TMTC2: variants seen among roughly 807,000 people sequenced by gnomAD.
The protein encoded by TMTC2 is protein O-mannosyl-transferase TMTC2.
A neutral mutation model predicts 82.4 loss-of-function variants in TMTC2; 43 were observed. That is an observed-to-expected ratio of 0.52 (90% CI 0.41 to 0.67). The LOEUF (loss-of-function observed/expected upper bound fraction) is 0.67, where lower values mean the gene tolerates loss of function less well. Among genes scored for constraint, TMTC2 ranks in the 30% least tolerant of loss-of-function variants. The pLI is 0.00. For synonymous variants in TMTC2, 408 were observed against 381.9 expected (o/e 1.07, Z -0.80); for missense variants, 919 against 1,012.4 (o/e 0.91, Z 1.25).
At chr12:82,929,172 T>C (rs1479400426) in intron 3 of TMTC2, among the ~76,000 whole-genome samples, 1 of 152,060 alleles carries the variant, frequency 6.6e-6, no homozygotes, top group East Asian at 1.9e-4. Context: ...CTCTATGGGC[T>C]CAACTCTGTG....
At chr12:83,106,056 A>G (rs1884382200) in intron 11 of TMTC2, among the ~76,000 whole-genome samples, 1 of 152,252 alleles carries the variant, frequency 6.6e-6, no homozygotes, top group Non-Finnish European at 1.5e-5. Flanking sequence ...TCAATGATTA[A>G]ATTAAATAGG....
chr12:82,942,237 A>T (rs1397973738), intron 4 of TMTC2, among the ~76,000 whole-genome samples: 1 of 152,232 alleles, frequency 6.6e-6, no homozygotes, highest in Non-Finnish European at 1.5e-5. Flanking sequence ...ATTTCAGCAA[A>T]ATACACTTCA....
At chr12:83,122,988 A>G (rs1885001942) in intron 11 of TMTC2, among the ~76,000 whole-genome samples, 1 of 152,240 alleles carries the variant, frequency 6.6e-6, no homozygotes, top group African/African-American at 2.4e-5. Context: ...TTCTTAAGTT[A>G]GTAGATGCAC....
chr12:82,704,979 A>G (rs1257485862), intron 1 of TMTC2, among the ~76,000 whole-genome samples: 1 of 152,220 alleles, frequency 6.6e-6, no homozygotes, highest in Non-Finnish European at 1.5e-5. Context: ...AAACTGTGGC[A>G]TATGTATACG....
chr12:82,907,353 CT>C (rs937184930), intron 3 of TMTC2, among the ~76,000 whole-genome samples: 2 of 151,754 alleles, frequency 1.3e-5, no homozygotes, highest in African/African-American at 4.8e-5. Flanking sequence ...GTCCCAACTA[CT>C]CAGGAGGCTC....
chr12:82,765,384 T>C (rs907094174), intron 1 of TMTC2, among the ~76,000 whole-genome samples: 1 of 152,148 alleles, frequency 6.6e-6, no homozygotes. Context: ...TAAAAACAGG[T>C]GCCTTGCTGG....
At chr12:82,715,251 G>C (rs1391810494) in intron 1 of TMTC2, among the ~76,000 whole-genome samples, 2 of 151,054 alleles carry the variant, frequency 1.3e-5, no homozygotes, top group Admixed American at 1.3e-4. Context: ...CTCCAGCCTG[G>C]GCGACAGAAC....
chr12:82,862,952 T>G (rs182835023), intron 2 of TMTC2, among the ~76,000 whole-genome samples: 1 of 152,222 alleles, frequency 6.6e-6, no homozygotes, highest in Admixed American at 6.5e-5. Flanking sequence ...TTGAATGTAG[T>G]GTTTCTGTAC....
chr12:82,811,522 G>C (rs1868390181), intron 1 of TMTC2, among the ~76,000 whole-genome samples: 1 of 151,794 alleles, frequency 6.6e-6, no homozygotes, highest in African/African-American at 2.4e-5. Flanking sequence ...AGAAAGAAAT[G>C]GAAAAATCAG....
intron 1 of TMTC2, among the ~76,000 whole-genome samples, chr12:82,801,582 C>T (rs576277578): frequency 1.3e-5 from 2 of 152,226 alleles, no homozygotes; most frequent in African/African-American, 4.8e-5. Context: ...CTGATTAGTG[C>T]GTTTACAATC....
intron 11 of TMTC2, among the ~76,000 whole-genome samples, chr12:83,091,756 T>A (rs950705934): frequency 3.3e-5 from 5 of 152,238 alleles, no homozygotes; most frequent in Admixed American, 2.6e-4. Context: ...TCTTTTCTAC[T>A]ATGGCATTTG....
chr12:82,730,407 G>A (rs1408771451), intron 1 of TMTC2, among the ~76,000 whole-genome samples: 1 of 149,844 alleles, frequency 6.7e-6, no homozygotes, highest in Non-Finnish European at 1.5e-5. Context: ...ATAATAATAA[G>A]AGTGTAGTCT....
intron 2 of TMTC2, among the ~76,000 whole-genome samples, chr12:82,880,069 C>T (rs945175942): frequency 8.5e-5 from 13 of 152,104 alleles, no homozygotes; most frequent in African/African-American, 3.1e-4. Flanking sequence ...TTTGGATGAC[C>T]TGCATTTGTT....
chr12:82,812,830 T>C (rs1009247416), intron 1 of TMTC2, among the ~76,000 whole-genome samples: 11 of 152,094 alleles, frequency 7.2e-5, no homozygotes, highest in Non-Finnish European at 1.5e-5. Flanking sequence ...ATTACTGATC[T>C]TAAAACATGA....
intron 10 of TMTC2, among the ~76,000 whole-genome samples, chr12:83,054,911 A>G (rs1460830419): frequency 6.6e-6 from 1 of 152,052 alleles, no homozygotes; most frequent in East Asian, 1.9e-4. Context: ...TTAGTTGTGT[A>G]CTAAAGAATC....
intron 1 of TMTC2, among the ~76,000 whole-genome samples, chr12:82,838,939 C>T (rs1870194067): frequency 6.6e-6 from 1 of 152,078 alleles, no homozygotes; most frequent in African/African-American, 2.4e-5. Flanking sequence ...ATTTATGATG[C>T]CATAAGTAAG....
chr12:82,694,182 G>A (rs1034108446), intron 1 of TMTC2, among the ~76,000 whole-genome samples: 6 of 151,884 alleles, frequency 4.0e-5, no homozygotes, highest in African/African-American at 7.3e-5. Context: ...AAAGTTGATA[G>A]CATTTTTTAG....
At chr12:82,908,727 T>G (rs1418905075) in intron 3 of TMTC2, among the ~76,000 whole-genome samples, 2 of 152,192 alleles carry the variant, frequency 1.3e-5, no homozygotes, top group Non-Finnish European at 2.9e-5. Flanking sequence ...AAAATTAGAA[T>G]TATTTTTTTC....
chr12:82,995,780 A>G (rs1254341535), intron 8 of TMTC2, among the ~76,000 whole-genome samples: 1 of 152,132 alleles, frequency 6.6e-6, no homozygotes, highest in East Asian at 1.9e-4. Flanking sequence ...TGAAAGCAGT[A>G]CTATTTAAAT....
Sources: allele counts gnomAD v4.1 joint callset (sites outside exome capture counted in the v4.1 genomes callset), GRCh38; gene constraint gnomAD v4.1.1; transcripts MANE v1.5; gene names NCBI Gene and HGNC (gene_info 2026-07-23, HGNC 2026-07-21).